The following RAPGEF2 variants were observed in gnomAD, a reference collection of about 807,000 sequenced individuals.
RAPGEF2 encodes PDZ domain containing guanine nucleotide exchange factor (GEF) 1.
A neutral mutation model predicts 186.7 loss-of-function variants in RAPGEF2; 54 were observed. The observed-to-expected ratio is 0.29, with a 90% CI of 0.23 to 0.36. The LOEUF (loss-of-function observed/expected upper bound fraction) is 0.36. RAPGEF2 is among the 10% of genes least tolerant of loss of function. The probability of loss-of-function intolerance (pLI) is 1.00; values close to 1 mark genes in which losing one functional copy is unlikely to be tolerated. For missense variants in RAPGEF2, 1,532 were observed against 2,045.0 expected (o/e 0.75, Z 4.84); for synonymous variants, 712 against 705.9 (o/e 1.01, Z -0.14).
chr4:159,147,848 G>A (rs925036714), intron 1 of RAPGEF2, among the ~76,000 whole-genome samples: 10 of 151,980 alleles, frequency 6.6e-5, no homozygotes, highest in Non-Finnish European at 1.5e-4. Context: ...TTCCTTTACA[G>A]ATTTACAGGT....
chr4:159,152,792 T>C (rs1743703671), intron 1 of RAPGEF2, among the ~76,000 whole-genome samples: 1 of 152,178 alleles, frequency 6.6e-6, no homozygotes. Flanking sequence ...TAATTTTTTT[T>C]GTATTTTTAG....
At chr4:159,186,784 AT>A in intron 2 of RAPGEF2, 72 bp downstream of exon 2, 1 of 849,592 alleles carries the variant, frequency 1.2e-6, no homozygotes, top group Non-Finnish European at 1.8e-6. Flanking sequence ...TAACATTTTA[AT>A]TTTTTACTTT....
At chr4:159,209,540 G>GTAAT (rs1288198065) in intron 3 of RAPGEF2, among the ~76,000 whole-genome samples, 5 of 152,204 alleles carry the variant, frequency 3.3e-5, no homozygotes, top group African/African-American at 1.2e-4. Flanking sequence ...AGACTTGAAT[G>GTAAT]TAATCTCCGT....
chr4:159,223,253 T>C lies in RAPGEF2; in HGVS notation c.281+12670T>C, dbSNP rs192613910. Among the ~76,000 whole-genome samples the C allele has an allele frequency of 2.6e-3, 401 of 152,212 alleles. 2 individuals carry two copies. The highest frequency in any genetic ancestry group is 5.1e-3 in the Non-Finnish European group (345 of 67,964). On this transcript the variant is annotated intron_variant, in intron 4 of 29. Coordinates refer to ENST00000691494, the MANE Select transcript of RAPGEF2 (RefSeq NM_001394067.2). ...CATATTTTTGCTATTAAATAGAAAA[T>C]AGAATTTCTGCTATCTAGTGTTCGT...
At chr4:159,119,212 C>T (rs910564759) in intron 1 of RAPGEF2, among the ~76,000 whole-genome samples, 3 of 151,936 alleles carry the variant, frequency 2.0e-5, no homozygotes, top group African/African-American at 7.3e-5. Flanking sequence ...TCAAGGATGT[C>T]ATTTAAAGAA....
rs969404937 is a variant in RAPGEF2, at chr4:159,210,545, C to T, written c.243C>T (p.Ser81=). 22 of 1,534,398 alleles carry T rather than the reference C, an allele frequency of 1.4e-5. No individual in the cohort carries two copies. Among genetic ancestry groups the T allele is most frequent in the Non-Finnish European group, 1.7e-5 (20 of 1,145,706 alleles). The change falls in exon 4 of 30, where the codon TCC becomes TCT. Residue 81 remains serine, a synonymous_variant. Coordinates refer to ENST00000691494, the MANE Select transcript of RAPGEF2 (RefSeq NM_001394067.2). ...GTCWYILLSG[S]VFIKESMFLP... ...GCTGGTATATCCTTCTTTCTGGTTC[C>T]GTGTTCATCAAGGAATCCATGTTTC...
chr4:159,251,027 G>A (rs1003790655), intron 7 of RAPGEF2, among the ~76,000 whole-genome samples: 171 of 152,312 alleles, frequency 1.1e-3, no homozygotes, highest in African/African-American at 3.9e-3. Flanking sequence ...GTGGCCCGCC[G>A]GTGCTGCTGG....
At chr4:159,330,576 G>A in intron 13 of RAPGEF2, 78 bp downstream of exon 13, 1 of 1,039,888 alleles carries the variant, frequency 9.6e-7, no homozygotes, top group Non-Finnish European at 1.4e-6. Flanking sequence ...ATTTGTCACA[G>A]CAATTATGTC....
At chr4:159,130,618 G>C (rs1261332837) in intron 1 of RAPGEF2, among the ~76,000 whole-genome samples, 1 of 152,182 alleles carries the variant, frequency 6.6e-6, no homozygotes, top group Non-Finnish European at 1.5e-5. Flanking sequence ...TAAACAATTA[G>C]AGTTAGTAGA....
chr4:159,159,177 G>A (rs982997228), intron 1 of RAPGEF2, among the ~76,000 whole-genome samples: 11 of 152,124 alleles, frequency 7.2e-5, no homozygotes, highest in Non-Finnish European at 1.3e-4. Flanking sequence ...TGCAGCGCCC[G>A]TCCACAGTGT....
At chr4:159,245,178 G>A (rs1754482337) in intron 7 of RAPGEF2, among the ~76,000 whole-genome samples, 1 of 151,974 alleles carries the variant, frequency 6.6e-6, no homozygotes, top group Non-Finnish European at 1.5e-5. Flanking sequence ...GTAGTTTAAA[G>A]TGGATTATAA....
intron 4 of RAPGEF2, among the ~76,000 whole-genome samples, chr4:159,215,136 T>C (rs1750877610): frequency 6.6e-6 from 1 of 151,934 alleles, no homozygotes. Flanking sequence ...ATGCTGGGAT[T>C]ACAGGTGTGA....
intron 25 of RAPGEF2, among the ~76,000 whole-genome samples, chr4:159,349,878 C>T (rs1004894364): frequency 1.3e-5 from 2 of 152,146 alleles, no homozygotes; most frequent in African/African-American, 4.8e-5. Flanking sequence ...AGTTTAGAAT[C>T]TAACGTAAAA....
chr4:159,163,406 C>A (rs1744929484), intron 1 of RAPGEF2, among the ~76,000 whole-genome samples: 1 of 151,746 alleles, frequency 6.6e-6, no homozygotes, highest in South Asian at 2.1e-4. Context: ...AATTACTTTG[C>A]TTTTCTGGGG....
chr4:159,141,721 T>C (rs925000907), intron 1 of RAPGEF2, among the ~76,000 whole-genome samples: 2 of 152,230 alleles, frequency 1.3e-5, no homozygotes, highest in Admixed American at 1.3e-4. Context: ...CATTAAACTT[T>C]ACCACTTTTG....
chr4:159,217,124 C>A (rs1751063468), intron 4 of RAPGEF2, among the ~76,000 whole-genome samples: 1 of 151,990 alleles, frequency 6.6e-6, no homozygotes, highest in South Asian at 2.1e-4. Context: ...GTGGCAGAGA[C>A]TGAAGACAAA....
At chr4:159,177,180 G>A (rs979886953) in intron 1 of RAPGEF2, among the ~76,000 whole-genome samples, 4 of 150,456 alleles carry the variant, frequency 2.7e-5, no homozygotes, top group Non-Finnish European at 5.9e-5. Context: ...AGACAATTTA[G>A]GGACCCTTAT....
rs748543313 is a variant in RAPGEF2 at position 159,216,991 on chromosome 4, T to C, written c.281+6408T>C. 1.1e-3 allele frequency among the ~76,000 whole-genome samples: 174 copies of C among 152,168 alleles called. 3 individuals carry two copies. Among genetic ancestry groups the C allele is most frequent in the Non-Finnish European group, 2.3e-3 (155 of 67,998 alleles). ...TGACAAACAATGAGCTACTTGAGTT[T>C]AAAAATCGCAGGCCTACTTTCTGCT... On this transcript the variant is annotated intron_variant, in intron 4 of 29. Transcript: ENST00000691494.
rs1732302202 is a variant in RAPGEF2 at position 159,358,055 on chromosome 4, A to G, written c.4958-59A>G. The G allele has an allele frequency of 4.5e-6, 7 of 1,539,208 alleles. No individual in the cohort carries two copies. In the East Asian group the frequency reaches 1.6e-4, roughly 35 times the overall value. ...GCACATCAGTGAATATATTCTCTAT[A>G]GCACAAGAAATTACTTGCTTGCTCA... On this transcript the variant is annotated intron_variant, in intron 29 of 29. Coordinates refer to ENST00000691494, the MANE Select transcript of RAPGEF2 (RefSeq NM_001394067.2).
Sources: gnomAD v4.1 joint callset for allele counts (sites outside exome capture counted in the v4.1 genomes callset) on GRCh38, gnomAD v4.1.1 for gene constraint, MANE v1.5 for transcripts, NCBI Gene and HGNC (gene_info 2026-07-23, HGNC 2026-07-21) for gene names.